PTPN13: variants seen among roughly 807,000 people sequenced by gnomAD.
The protein encoded by PTPN13 is tyrosine-protein phosphatase non-receptor type 13.
A neutral mutation model predicts 284.0 loss-of-function variants in PTPN13; 191 were observed. The ratio of observed to expected loss-of-function variants is 0.67; its 90% confidence interval spans 0.60 to 0.76. PTPN13 has a LOEUF of 0.76. Among genes scored for constraint, PTPN13 ranks in the 30% least tolerant of loss-of-function variants. The pLI is 0.00. For missense variants in PTPN13, 2,797 were observed against 2,939.9 expected (o/e 0.95, Z 1.12); for synonymous variants, 986 against 1,022.3 (o/e 0.96, Z 0.68).
Position 86,814,962 on chromosome 4 carries a change from A to G in PTPN13, c.*411A>G, listed in dbSNP as rs1311699111. 2 of 154,806 alleles carry G rather than the reference A, an allele frequency of 1.3e-5. No individual in the cohort carries two copies. Among genetic ancestry groups the G allele is most frequent in the Non-Finnish European group, 2.9e-5 (2 of 69,572 alleles). The allele number at this position is 154,806 out of a possible 1,614,324, so 9.6% of individuals were successfully genotyped here. A position where few individuals can be genotyped will look rare whatever the true frequency, so the allele number is the denominator to read the frequency against. ...CAGTATTTAAGCTTTAAATGACAGT[A>G]ATATTGGCATAGAAAAAAGTAGCAA... is the stretch of plus-strand genomic sequence containing the variant. On this transcript the variant is annotated 3_prime_UTR_variant, in exon 48 of 48. Transcript: ENST00000411767.
chr4:86,770,920 A>G (rs1472615855), intron 30 of PTPN13, among the ~76,000 whole-genome samples: 6 of 152,200 alleles, frequency 3.9e-5, no homozygotes, highest in Non-Finnish European at 7.4e-5. Flanking sequence ...GAAAATATTT[A>G]TGGTAGAACC....
Position 86,803,647 on chromosome 4 carries a change from T to A in PTPN13, c.6506-62T>A, listed in dbSNP as rs532129514. 4.6e-6 allele frequency: 7 copies of A among 1,533,170 alleles called. No homozygotes were observed. In the East Asian group the frequency reaches 6.8e-5, roughly 15 times the overall value. The allele number at this position is 1,533,170 out of a possible 1,614,324, so 95.0% of individuals were successfully genotyped here. On this transcript the variant is annotated intron_variant, in intron 42 of 47. Coordinates refer to ENST00000411767, the MANE Select transcript of PTPN13 (RefSeq NM_080683.3). ...AAGATGAGGTGAACATAGGCTGAAA[T>A]TAGTTCACTTAGTTAAATTGGTTCT...
chr4:86,633,809 G>C (rs1007413272), intron 1 of PTPN13, among the ~76,000 whole-genome samples: 3 of 152,032 alleles, frequency 2.0e-5, no homozygotes, highest in Non-Finnish European at 4.4e-5. Context: ...TTTTTCTCTT[G>C]AATAAATATG....
intron 1 of PTPN13, among the ~76,000 whole-genome samples, chr4:86,625,877 C>T (rs1721780758): frequency 6.6e-6 from 1 of 152,090 alleles, no homozygotes; most frequent in South Asian, 2.1e-4. Context: ...TTTACTTGAT[C>T]TTTTGTGTTT....
chr4:86,624,178 T>G (rs944704575), intron 1 of PTPN13, among the ~76,000 whole-genome samples: 1 of 152,180 alleles, frequency 6.6e-6, no homozygotes, highest in African/African-American at 2.4e-5. Context: ...GTAGCTTTAT[T>G]TTCTTTTTTA....
At chr4:86,737,445 A>G (rs1735652200) in intron 15 of PTPN13, among the ~76,000 whole-genome samples, 1 of 151,934 alleles carries the variant, frequency 6.6e-6, no homozygotes. Context: ...CTGCATTCAT[A>G]CTATAACAGC....
intron 23 of PTPN13, 22 bp from the exon 24 acceptor site, chr4:86,762,705 A>G (rs752779511): frequency 2.0e-6 from 3 of 1,533,620 alleles, no homozygotes; most frequent in Non-Finnish European, 2.7e-6. Flanking sequence ...TGTTACTCTC[A>G]TTGATGGATT....
intron 2 of PTPN13, among the ~76,000 whole-genome samples, chr4:86,645,050 A>T (rs1727191117): frequency 6.6e-6 from 1 of 152,114 alleles, no homozygotes; most frequent in African/African-American, 2.4e-5. Flanking sequence ...CTCTACAAAA[A>T]ATACAAAAAT....
chr4:86,602,333 G>C (rs1275257423), intron 1 of PTPN13, among the ~76,000 whole-genome samples: 1 of 152,052 alleles, frequency 6.6e-6, no homozygotes, highest in Non-Finnish European at 1.5e-5. Context: ...TTCAAAATGA[G>C]GATGATAACC....
intron 7 of PTPN13, among the ~76,000 whole-genome samples, chr4:86,702,091 G>A (rs984307636): frequency 6.6e-6 from 1 of 152,132 alleles, no homozygotes; most frequent in African/African-American, 2.4e-5. Flanking sequence ...AAGGCAGGAG[G>A]CATATTTTCT....
At chr4:86,793,486 C>T (rs1185178404) in intron 40 of PTPN13, among the ~76,000 whole-genome samples, 2 of 152,146 alleles carry the variant, frequency 1.3e-5, no homozygotes, top group African/African-American at 4.8e-5. Context: ...CTTGAATTCA[C>T]CTCTGTACCA....
intron 2 of PTPN13, among the ~76,000 whole-genome samples, chr4:86,648,015 C>T (rs1042707945): frequency 6.6e-6 from 1 of 152,084 alleles, no homozygotes; most frequent in African/African-American, 2.4e-5. Context: ...TAAAACATCT[C>T]AAAATAAAAT....
chr4:86,750,128 C>T (rs1192471727), intron 17 of PTPN13, among the ~76,000 whole-genome samples: 1 of 152,158 alleles, frequency 6.6e-6, no homozygotes, highest in African/African-American at 2.4e-5. Flanking sequence ...TTGAAAATTT[C>T]TGTGTTAAAT....
At chr4:86,694,001 AAC>A (rs1730314232) in intron 6 of PTPN13, among the ~76,000 whole-genome samples, 1 of 152,052 alleles carries the variant, frequency 6.6e-6, no homozygotes, top group Non-Finnish European at 1.5e-5. Flanking sequence ...TGACTAAATA[AAC>A]ACATGTATAT....
intron 10 of PTPN13, among the ~76,000 whole-genome samples, chr4:86,731,801 C>A (rs897324101): frequency 2.0e-5 from 3 of 152,036 alleles, no homozygotes; most frequent in African/African-American, 4.8e-5. Flanking sequence ...CACCACAGTG[C>A]CCAGCTAATT....
At chr4:86,732,348 A>T (rs1438578533) in intron 10 of PTPN13, 52 bp from the exon 11 acceptor site, 1 of 1,378,396 alleles carries the variant, frequency 7.3e-7, no homozygotes, top group Non-Finnish European at 9.9e-7. Context: ...CTTTCAAGGA[A>T]AAAACTAGAA....
Position 86,741,624 on chromosome 4 carries a change from A to C in PTPN13, c.2305-10A>C, listed in dbSNP as rs1396163017. ...AAGTGTATTGCTATGGTATGGTATT[A>C]TTCCAACAGGTCTGCCAAAGACTGA... On this transcript the variant is annotated splice_polypyrimidine_tract_variant and intron_variant, in intron 15 of 47. Transcript: ENST00000411767. 6.2e-7 allele frequency: 1 copy of C among 1,608,874 alleles called. No individual in the cohort carries two copies. Among genetic ancestry groups the C allele is most frequent in the Non-Finnish European group, 8.5e-7 (1 of 1,175,664 alleles).
In PTPN13 at chr4:86,758,739, A is replaced by C; in HGVS notation, c.3375A>C (p.Ser1125=). Residue 1125 remains serine, a synonymous_variant, in exon 22 of 48, where the codon TCA becomes TCC. Transcript: ENST00000411767. ...GRLDLGIFIS[S]VAPGGPADLD... Reference sequence around the variant, plus strand: ...TGGACCTAGGCATATTTATCAGTTCAGTTGCCCCTGGAGGACCAGCTGACT... The same window carrying C: ...TGGACCTAGGCATATTTATCAGTTCCGTTGCCCCTGGAGGACCAGCTGACT... The C allele has an allele frequency of 1.2e-6, 2 of 1,613,812 alleles. No homozygotes were observed. The highest frequency in any genetic ancestry group is 2.2e-5 in the East Asian group (1 of 44,884).
At chr4:86,795,585 C>T (rs563000393) in intron 40 of PTPN13, among the ~76,000 whole-genome samples, 38 of 152,306 alleles carry the variant, frequency 2.5e-4, no homozygotes, top group African/African-American at 8.9e-4. Flanking sequence ...AAGACACATG[C>T]ACACGTATGT....
Sources: allele counts gnomAD v4.1 joint callset (sites outside exome capture counted in the v4.1 genomes callset), GRCh38; gene constraint gnomAD v4.1.1; transcripts MANE v1.5; gene names NCBI Gene and HGNC (gene_info 2026-07-23, HGNC 2026-07-21).